Variants in WDFY3 observed in about 807,000 individuals in gnomAD.
WDFY3 encodes WD repeat and FYVE domain containing 3, also known as WD repeat and FYVE domain-containing protein 3.
WDFY3 carries 66 observed loss-of-function variants against 409.6 expected under a neutral mutation model. The ratio of observed to expected loss-of-function variants is 0.16; its 90% CI spans 0.13 to 0.20. The LOEUF is 0.20. WDFY3 is among the 10% of genes least tolerant of loss of function. The pLI is 1.00. For synonymous variants in WDFY3, 1,521 were observed against 1,537.1 expected (o/e 0.99, Z 0.25); for missense variants, 3,031 against 4,298.1 (o/e 0.71, Z 8.24).
chr4:84,797,205 A>T (rs1749605629), intron 18 of WDFY3, among the ~76,000 whole-genome samples: 1 of 152,154 alleles, frequency 6.6e-6, no homozygotes, highest in South Asian at 2.1e-4. Flanking sequence ...AATGGCAGAA[A>T]CTTGCTTCTC....
chr4:84,711,860 A>T lies in WDFY3; in HGVS notation c.8042+1299T>A, dbSNP rs181045333. On this transcript the variant is annotated intron_variant, in intron 51 of 67. Transcript: ENST00000295888. ...AGCAAGACTCCGTCTCAAAAAAAAAAAATAATAATAATATACAAAGTTAGC... is the reference window on the plus strand; with the variant it reads ...AGCAAGACTCCGTCTCAAAAAAAAATAATAATAATAATATACAAAGTTAGC... Among the ~76,000 whole-genome samples, 1,306 of 152,068 alleles carry T rather than the reference A, an allele frequency of 8.6e-3. 6 individuals carry two copies. Among genetic ancestry groups the T allele is most frequent in the African/African-American group, 0.014 (580 of 41,480 alleles).
Position 84,742,771 on chromosome 4 carries a change from T to A in WDFY3, c.6074-850A>T, listed in dbSNP as rs958867061. Among the ~76,000 whole-genome samples, 126 of 152,202 alleles carry A rather than the reference T, an allele frequency of 8.3e-4. 3 individuals carry two copies. The highest frequency in any genetic ancestry group is 8.1e-3 in the Admixed American group (124 of 15,274). ...TGCTTGCATCATCGCAAAACCGTAA[T>A]CCCCCCTTAGTCTGTGGAAAAACTG... is the stretch of plus-strand genomic sequence containing the variant. On this transcript the variant is annotated intron_variant, in intron 37 of 67. Transcript: ENST00000295888.
chr4:84,920,929 C>T (rs1769186781), intron 2 of WDFY3, among the ~76,000 whole-genome samples: 1 of 152,012 alleles, frequency 6.6e-6, no homozygotes, highest in South Asian at 2.1e-4. Context: ...TACTGATCAC[C>T]GTTCCTCCAG....
rs775090328 is a variant in WDFY3 at position 84,934,181 on chromosome 4, T to A, written c.-225-1818A>T. ...CCTTTTCTCCACATCCTTGTCAGCA[T>A]TTGTTATTGCCTGTCTTTTGCATAA... On this transcript the variant is annotated intron_variant, in intron 1 of 67. Coordinates refer to ENST00000295888, the MANE Select transcript of WDFY3 (RefSeq NM_014991.6). 5.5e-4 allele frequency among the ~76,000 whole-genome samples: 84 copies of A among 152,110 alleles called. 1 individual carries two copies. Among genetic ancestry groups the A allele is most frequent in the Non-Finnish European group, 1.0e-3 (68 of 67,988 alleles).
chr4:84,952,384 T>G (rs1166255270), intron 1 of WDFY3, among the ~76,000 whole-genome samples: 1 of 152,210 alleles, frequency 6.6e-6, no homozygotes. Flanking sequence ...CTCAAAAGAT[T>G]TTCTGCTCTC....
rs749494418 is a variant in WDFY3 at position 84,757,207 on chromosome 4, T to C, written c.5189-46A>G. On this transcript the variant is annotated intron_variant, in intron 32 of 67. Coordinates refer to ENST00000295888, the MANE Select transcript of WDFY3 (RefSeq NM_014991.6). ...CAGTAAGTGCAAAATCAGCAACTGA[T>C]AAACATGCTGCATTAACAAAGAAGG... is the stretch of plus-strand genomic sequence containing the variant. 1.9e-6 allele frequency: 3 copies of C among 1,544,326 alleles called. No individual in the cohort carries two copies. The Admixed American group carries it at 5.1e-5, about 26-fold the overall frequency.
At chr4:84,688,377 T>A in intron 61 of WDFY3, 112 bp from the exon 62 acceptor site, 1 of 1,074,232 alleles carries the variant, frequency 9.3e-7, no homozygotes. Flanking sequence ...TGCTAGGTAG[T>A]AGGTGACTTG....
chr4:84,722,254 G>A (rs1219725264), intron 46 of WDFY3, among the ~76,000 whole-genome samples: 1 of 152,034 alleles, frequency 6.6e-6, no homozygotes, highest in Non-Finnish European at 1.5e-5. Context: ...TGGGTGTGGT[G>A]GTGCATGCCT....
At chr4:84,914,371 G>A (rs865971423) in intron 2 of WDFY3, among the ~76,000 whole-genome samples, 3 of 152,050 alleles carry the variant, frequency 2.0e-5, no homozygotes, top group Admixed American at 6.5e-5. Flanking sequence ...CCGAGATAGC[G>A]CCATTGCACT....
At chr4:84,807,811 C>T (rs543095511) in intron 15 of WDFY3, among the ~76,000 whole-genome samples, 1 of 152,068 alleles carries the variant, frequency 6.6e-6, no homozygotes, top group South Asian at 2.1e-4. Flanking sequence ...TTTTTCAAAG[C>T]TTAGCTGTGA....
Position 84,787,609 on chromosome 4 carries a change from A to C in WDFY3, c.3774T>G (p.Ile1258Met). Residue 1258 changes from isoleucine (I) to methionine (M), a missense_variant, in exon 23 of 68, where the codon ATT (isoleucine) becomes ATG (methionine). Around this residue, in one of 16 missense-constraint regions of WDFY3, gnomAD observed 1,322 missense variants for 1,697.9 expected, o/e 0.78. Transcript: ENST00000295888. ...GTCCCAGGCGCCAAACCAATGAGGC[A>C]ATTTGGCGTTGGGCAGGTGGAGTAC... Reference protein sequence around the residue: ...YIGTPPAQRQIASLVWRLGPT... With the variant: ...YIGTPPAQRQMASLVWRLGPT... 2 of 1,614,182 alleles carry C rather than the reference A, an allele frequency of 1.2e-6. No individual in the cohort carries two copies. The highest frequency in any genetic ancestry group is 1.7e-6 in the Non-Finnish European group (2 of 1,180,036).
At chr4:84,774,041 T>G (rs1420897677) in intron 29 of WDFY3, among the ~76,000 whole-genome samples, 1 of 152,224 alleles carries the variant, frequency 6.6e-6, no homozygotes, top group Non-Finnish European at 1.5e-5. Flanking sequence ...AAAATATGTT[T>G]TGAAGGCAAA....
rs1433093125 is a variant in WDFY3 at position 84,778,550 on chromosome 4, T to C, written c.4471A>G (p.Ile1491Val). The C allele has an allele frequency of 5.6e-6, 9 of 1,609,914 alleles. No homozygotes were observed. The highest frequency in any genetic ancestry group is 7.6e-6 in the Non-Finnish European group (9 of 1,178,556). The change falls in exon 27 of 68, where the codon ATT (isoleucine) becomes GTT (valine). Residue 1491 changes from isoleucine (I) to valine (V), a missense_variant. This residue lies in a region of WDFY3 where 55 missense variants were observed against 124.1 expected (regional missense o/e 0.44). Transcript: ENST00000295888. ...GTVDSGHETS[I>V]IPNSTAFQDL... is the part of the protein sequence containing the mutation. ...TGGAAAGCAGTTGAATTTGGAATAA[T>C]GGAGGTCTCATGTCCACTATCAACA...
intron 32 of WDFY3, among the ~76,000 whole-genome samples, chr4:84,765,480 T>G (rs946448728): frequency 3.3e-5 from 5 of 152,142 alleles, no homozygotes; most frequent in African/African-American, 1.2e-4. Flanking sequence ...CAGTAAGTAC[T>G]CAAAATAAAT....
chr4:84,829,403 T>C (rs1235365033), intron 8 of WDFY3, among the ~76,000 whole-genome samples: 2 of 152,070 alleles, frequency 1.3e-5, no homozygotes, highest in African/African-American at 4.8e-5. Flanking sequence ...AATACAGAAA[T>C]GTGTTGAAAA....
At chr4:84,713,038 T>TA (rs1461192925) in intron 51 of WDFY3, 121 bp downstream of exon 51, 29 of 999,804 alleles carry the variant, frequency 2.9e-5, no homozygotes, top group Non-Finnish European at 4.0e-5. Flanking sequence ...AGTATTTTTT[T>TA]AAAAAAATTT....
At chr4:84,838,858 C>G (rs1348151378) in intron 6 of WDFY3, among the ~76,000 whole-genome samples, 5 of 152,152 alleles carry the variant, frequency 3.3e-5, no homozygotes. Context: ...TTTTCAATAG[C>G]ACTATATATG....
chr4:84,950,247 G>A (rs773897320), intron 1 of WDFY3, among the ~76,000 whole-genome samples: 14 of 151,848 alleles, frequency 9.2e-5, no homozygotes, highest in East Asian at 5.9e-4. Flanking sequence ...GGGAGCTATC[G>A]GGGGTTGGGG....
chr4:84,673,335 C>G (rs1384022486), intron 67 of WDFY3, among the ~76,000 whole-genome samples: 2 of 152,086 alleles, frequency 1.3e-5, no homozygotes, highest in African/African-American at 4.8e-5. Context: ...GGCCTATAAG[C>G]TTGGGAGGTA....
Sources: gnomAD v4.1 joint callset for allele counts (sites outside exome capture counted in the v4.1 genomes callset) on GRCh38, gnomAD v4.1.1 for gene constraint, gnomAD v4.1.1 regional missense constraint, MANE v1.5 for transcripts, NCBI Gene and HGNC (gene_info 2026-07-23, HGNC 2026-07-21) for gene names.